NEDD4: variants seen among roughly 807,000 people sequenced by gnomAD.
The protein encoded by NEDD4 is NEDD4 E3 ubiquitin protein ligase.
A neutral mutation model predicts 144.9 loss-of-function variants in NEDD4; 99 were observed. The observed-to-expected ratio is 0.68, with a 90% confidence interval of 0.58 to 0.81. The LOEUF (loss-of-function observed/expected upper bound fraction) is 0.81, where lower values mean the gene tolerates loss of function less well. NEDD4 is among the 30% of genes least tolerant of loss of function. The pLI is 0.00. For synonymous variants in NEDD4, 318 were observed against 350.6 expected (o/e 0.91, Z 1.04); for missense variants, 985 against 1,065.9 (o/e 0.92, Z 1.06).
At chr15:55,935,047 T>C (rs1254135113) in intron 4 of NEDD4, among the ~76,000 whole-genome samples, 1 of 151,896 alleles carries the variant, frequency 6.6e-6, no homozygotes, top group Non-Finnish European at 1.5e-5. Context: ...TTTGCATTTT[T>C]AGTAGAGATG....
chr15:55,854,517 C>T lies in NEDD4; in HGVS notation c.1026+1614G>A, dbSNP rs1027274728. On this transcript the variant is annotated intron_variant, in intron 12 of 28. Transcript: ENST00000435532. ...CATGCTAAGTGAAAAAGGTCAGACA[C>T]GTAAGCCCACACCCTACGAGTCCCT... 2.0e-5 allele frequency among the ~76,000 whole-genome samples: 3 copies of T among 152,254 alleles called. 1 individual carries two copies. Among genetic ancestry groups the T allele is most frequent in the Admixed American group, 6.5e-5 (1 of 15,282 alleles).
intron 5 of NEDD4, chr15:55,915,174 A>AAGGACC: frequency 1.1e-6 from 1 of 938,152 alleles, no homozygotes; most frequent in Non-Finnish European, 1.5e-6. Flanking sequence ...ACTGCTAGCT[A>AAGGACC]AGGACCAGGA....
chr15:55,931,488 T>A (rs775394568), intron 4 of NEDD4, among the ~76,000 whole-genome samples: 1 of 151,962 alleles, frequency 6.6e-6, no homozygotes, highest in Admixed American at 6.6e-5. Flanking sequence ...GTTTATAAGA[T>A]GATATTTTAA....
intron 5 of NEDD4, chr15:55,916,199 G>A (rs1042258173): frequency 1.7e-5 from 28 of 1,613,832 alleles, no homozygotes; most frequent in Non-Finnish European, 2.1e-5. Context: ...TTCTATTGGA[G>A]GTGCTGTCAG....
intron 5 of NEDD4, among the ~76,000 whole-genome samples, chr15:55,876,292 G>C (rs1189428560): frequency 3.3e-5 from 5 of 151,440 alleles, no homozygotes; most frequent in African/African-American, 1.2e-4. Flanking sequence ...GCACCAGATA[G>C]AAATTCAGAT....
intron 4 of NEDD4, among the ~76,000 whole-genome samples, chr15:55,944,782 C>T (rs1438406784): frequency 6.6e-6 from 1 of 152,126 alleles, no homozygotes; most frequent in Admixed American, 6.5e-5. Flanking sequence ...TGGGACAAAG[C>T]TTCCAGAGGA....
At chr15:55,910,479 C>T (rs55765028) in intron 5 of NEDD4, among the ~76,000 whole-genome samples, 21,740 of 152,036 alleles carry the variant, frequency 0.14, 1,699 homozygotes, top group East Asian at 0.35. Flanking sequence ...TGTGGTTCCT[C>T]CTTAGTCTCT....
At position 55,844,879 on chromosome 15, in the gene NEDD4, C is replaced by T. The variant is rs559739575; in HGVS notation, c.1608+2090G>A. Among the ~76,000 whole-genome samples the T allele has an allele frequency of 6.0e-5, 9 of 150,974 alleles. No individual in the cohort carries two copies. The East Asian group carries it at 1.8e-3, about 30-fold the overall frequency. On this transcript the variant is annotated intron_variant, in intron 18 of 28. Coordinates refer to ENST00000435532, the MANE Select transcript of NEDD4 (RefSeq NM_006154.4). ...CTGGAGTGCAGTGGCATGATTATAG[C>T]CCAGTGCAGCTTTGAACTCCTGAGC...
At chr15:55,906,684 T>C (rs922791557) in intron 5 of NEDD4, among the ~76,000 whole-genome samples, 5 of 152,030 alleles carry the variant, frequency 3.3e-5, no homozygotes, top group Admixed American at 6.6e-5. Flanking sequence ...TTAATGTAAA[T>C]GACGAGTTAA....
At chr15:55,979,336 CCTCTTTTTT>C (rs1335110847) in intron 1 of NEDD4, among the ~76,000 whole-genome samples, 3 of 76,336 alleles carry the variant, frequency 3.9e-5, no homozygotes, top group Non-Finnish European at 7.2e-5. Flanking sequence ...AAAGTTTTTA[CCTCTTTTTT>C]TTTTTTTTTT....
intron 8 of NEDD4, among the ~76,000 whole-genome samples, chr15:55,868,514 A>G (rs1283313508): frequency 6.6e-6 from 1 of 152,144 alleles, no homozygotes; most frequent in Non-Finnish European, 1.5e-5. Context: ...ATGATAGTGA[A>G]TAAGTCTCAT....
rs377265437 is a variant in NEDD4, at chr15:55,850,373, G to A, written c.1347+169C>T. ...TAATCCAAAACAATATTAAAAAGAC[G>A]CATAAGCATTCTCCTGAATACAAAT... On this transcript the variant is annotated intron_variant, in intron 14 of 28. Transcript: ENST00000435532. Among the ~76,000 whole-genome samples the A allele has an allele frequency of 1.1e-4, 16 of 152,144 alleles. No individual in the cohort carries two copies. In the East Asian group the frequency reaches 1.7e-3, roughly 17 times the overall value.
chr15:55,951,267 G>A (rs2037232944), intron 4 of NEDD4, 109 bp downstream of exon 4: 2 of 533,604 alleles, frequency 3.7e-6, no homozygotes, highest in Non-Finnish European at 3.2e-6. Context: ...ACAACTTTAG[G>A]CAAATTCTGA....
chr15:55,973,312 G>C lies in NEDD4; in HGVS notation c.46-6766C>G, dbSNP rs966313410. Among the ~76,000 whole-genome samples, 2 of 152,176 alleles carry C rather than the reference G, an allele frequency of 1.3e-5. 1 individual carries two copies. Among genetic ancestry groups the C allele is most frequent in the Non-Finnish European group, 2.9e-5 (2 of 68,030 alleles). On this transcript the variant is annotated intron_variant, in intron 1 of 28. Coordinates refer to ENST00000435532, the MANE Select transcript of NEDD4 (RefSeq NM_006154.4). ...CCAACACTTTGGGACGCCAAGATGG[G>C]AGGACTTCTTGGGCCCAGGAGTTTG...
At chr15:55,848,758 A>C (rs755718052) in intron 15 of NEDD4, 48 bp downstream of exon 15, 3 of 1,545,376 alleles carry the variant, frequency 1.9e-6, no homozygotes, top group Non-Finnish European at 2.7e-6. Flanking sequence ...AAAATGCAAA[A>C]TATTTGAGAT....
intron 5 of NEDD4, among the ~76,000 whole-genome samples, chr15:55,877,604 C>G (rs1284333954): frequency 6.6e-6 from 1 of 152,144 alleles, no homozygotes; most frequent in Non-Finnish European, 1.5e-5. Flanking sequence ...CAAACTTTTT[C>G]TCACAAACTT....
At chr15:55,925,172 A>G (rs939737704) in intron 4 of NEDD4, among the ~76,000 whole-genome samples, 1 of 152,242 alleles carries the variant, frequency 6.6e-6, no homozygotes, top group Non-Finnish European at 1.5e-5. Flanking sequence ...CAGACTAGTC[A>G]TGTGTCACTC....
rs1218511226 is a variant in NEDD4 at position 55,827,119 on chromosome 15, T to A, written c.*2778A>T. 6.6e-6 allele frequency: 1 copy of A among 152,228 alleles called. No homozygotes were observed. The highest frequency in any genetic ancestry group is 6.5e-5 in the Admixed American group (1 of 15,276). 9.4% of individuals were successfully genotyped at this position (152,228 alleles called of 1,614,324 possible). ...TAACTTGATACTTATATGGAATAAC[T>A]TCAGCATTATAAATAAAAACCCAAA... On this transcript the variant is annotated 3_prime_UTR_variant, in exon 29 of 29. Transcript: ENST00000435532.
At position 55,983,318 on chromosome 15, in the gene NEDD4, G is replaced by A. The variant is rs559663936; in HGVS notation, c.45+10193C>T. Among the ~76,000 whole-genome samples, 4 of 152,294 alleles carry A rather than the reference G, an allele frequency of 2.6e-5. No individual in the cohort carries two copies. The South Asian group carries it at 8.3e-4, about 32-fold the overall frequency. ...TGTGTGTGCGTGCGCGCGCGTGCGT[G>A]CATTTGATTTCCATGCTACTTGGTA... On this transcript the variant is annotated intron_variant, in intron 1 of 28. Coordinates refer to ENST00000435532, the MANE Select transcript of NEDD4 (RefSeq NM_006154.4).
Sources: allele counts gnomAD v4.1 joint callset (sites outside exome capture counted in the v4.1 genomes callset), GRCh38; gene constraint gnomAD v4.1.1; transcripts MANE v1.5; gene names NCBI Gene and HGNC (gene_info 2026-07-23, HGNC 2026-07-21).